The following CTNNA3 variants were observed in gnomAD, a reference collection of about 807,000 sequenced individuals.
The protein encoded by CTNNA3 is catenin alpha 3, also known as catenin alpha-3.
CTNNA3 carries 76 observed loss-of-function variants against 95.7 expected under a neutral mutation model. The ratio of observed to expected loss-of-function variants is 0.79; its 90% confidence interval spans 0.66 to 0.96. The LOEUF (loss-of-function observed/expected upper bound fraction) is 0.96, where lower values mean the gene tolerates loss of function less well. Among genes scored for constraint, CTNNA3 ranks in the 40% least tolerant of loss-of-function variants. The probability of loss-of-function intolerance (pLI) is 0.00; values close to 1 mark genes in which losing one functional copy is unlikely to be tolerated. For missense variants in CTNNA3, 1,191 were observed against 1,089.8 expected (o/e 1.09, Z -1.31); for synonymous variants, 431 against 374.4 (o/e 1.15, Z -1.74).
intron 7 of CTNNA3, among the ~76,000 whole-genome samples, chr10:66,929,717 A>G (rs1426791443): frequency 6.6e-6 from 1 of 152,212 alleles, no homozygotes; most frequent in East Asian, 1.9e-4. Flanking sequence ...ATCCATCAGT[A>G]CAGTTCTGTA....
At chr10:66,239,145 ATAATCAAT>A (rs983917977) in intron 13 of CTNNA3, among the ~76,000 whole-genome samples, 74 of 152,038 alleles carry the variant, frequency 4.9e-4, no homozygotes, top group Admixed American at 1.1e-3. Context: ...GTAGTTTTCA[ATAATCAAT>A]TAATCAATTA....
chr10:67,730,495 C>T (rs937559607), intron 1 of CTNNA3, among the ~76,000 whole-genome samples: 2 of 152,098 alleles, frequency 1.3e-5, no homozygotes, highest in Middle Eastern at 3.2e-3. Context: ...GGGGTACACG[C>T]TTCTCTAAAC....
At chr10:66,338,149 C>T (rs975818666) in intron 12 of CTNNA3, among the ~76,000 whole-genome samples, 2 of 152,032 alleles carry the variant, frequency 1.3e-5, no homozygotes, top group South Asian at 2.1e-4. Flanking sequence ...ATATATGCTA[C>T]ACCAAGGATG....
intron 12 of CTNNA3, among the ~76,000 whole-genome samples, chr10:66,347,535 G>C (rs1344315044): frequency 1.3e-5 from 2 of 151,864 alleles, no homozygotes; most frequent in African/African-American, 4.8e-5. Flanking sequence ...GATTGCTTGA[G>C]CCCAGAAGGT....
intron 11 of CTNNA3, among the ~76,000 whole-genome samples, chr10:66,382,607 C>T (rs2092850591): frequency 6.6e-6 from 1 of 152,182 alleles, no homozygotes; most frequent in South Asian, 2.1e-4. Context: ...TGGTTGAGCT[C>T]TGAGAATGGA....
At chr10:67,137,963 T>G (rs1860375428) in intron 7 of CTNNA3, among the ~76,000 whole-genome samples, 1 of 151,812 alleles carries the variant, frequency 6.6e-6, no homozygotes, top group African/African-American at 2.4e-5. Context: ...TACAAGGTCC[T>G]AAGGTTCAAG....
At chr10:66,503,986 T>C (rs183097222) in intron 11 of CTNNA3, among the ~76,000 whole-genome samples, 246 of 152,314 alleles carry the variant, frequency 1.6e-3, no homozygotes, top group Non-Finnish European at 2.1e-3. Context: ...GAAATATGTA[T>C]ATATTATAGA....
chr10:66,443,383 G>A (rs1034455614), intron 11 of CTNNA3, among the ~76,000 whole-genome samples: 1 of 152,186 alleles, frequency 6.6e-6, no homozygotes, highest in Non-Finnish European at 1.5e-5. Context: ...TGACCCCCGA[G>A]CAGCCTAACT....
intron 5 of CTNNA3, among the ~76,000 whole-genome samples, chr10:67,267,289 C>T (rs898415196): frequency 1.3e-5 from 2 of 152,070 alleles, no homozygotes; most frequent in African/African-American, 2.4e-5. Context: ...AATAAAAACA[C>T]GAAATTACTG....
At chr10:66,141,582 A>T (rs1179958088) in intron 13 of CTNNA3, among the ~76,000 whole-genome samples, 1 of 152,172 alleles carries the variant, frequency 6.6e-6, no homozygotes, top group African/African-American at 2.4e-5. Context: ...ATGTATCTTA[A>T]CTTGCCTCAA....
rs2085549015 is a variant in CTNNA3 at position 66,173,625 on chromosome 10, G to A, written c.1885-70376C>T. ...TTGAGCCTGGGAGGTAGAGGGTGCA[G>A]TGAGCCATCATCATGTCACTGTACT... On this transcript the variant is annotated intron_variant, in intron 13 of 17. Coordinates refer to ENST00000433211, the MANE Select transcript of CTNNA3 (RefSeq NM_013266.4). 2.6e-5 allele frequency among the ~76,000 whole-genome samples: 4 copies of A among 152,076 alleles called. No individual in the cohort carries two copies. The South Asian group carries it at 8.3e-4, about 32-fold the overall frequency.
intron 7 of CTNNA3, among the ~76,000 whole-genome samples, chr10:66,983,252 G>GC (rs1850547202): frequency 6.6e-6 from 1 of 151,998 alleles, no homozygotes; most frequent in Admixed American, 6.6e-5. Flanking sequence ...TTCCATCCTA[G>GC]CCCCCTCCCA....
intron 12 of CTNNA3, among the ~76,000 whole-genome samples, chr10:66,318,932 A>G (rs1036693890): frequency 1.3e-5 from 2 of 151,452 alleles, no homozygotes; most frequent in Non-Finnish European, 2.9e-5. Flanking sequence ...TTTTTGGTTC[A>G]GTACCCTTTC....
chr10:66,718,650 C>A (rs1409056336), intron 9 of CTNNA3, among the ~76,000 whole-genome samples: 1 of 148,966 alleles, frequency 6.7e-6, no homozygotes, highest in East Asian at 1.9e-4. Flanking sequence ...ATGTAAATAT[C>A]ATTAATAATA....
chr10:66,123,691 A>G (rs1224659086), intron 13 of CTNNA3, among the ~76,000 whole-genome samples: 1 of 152,134 alleles, frequency 6.6e-6, no homozygotes, highest in Non-Finnish European at 1.5e-5. Flanking sequence ...ATCCTCTGAA[A>G]TCTAGGTGGA....
intron 9 of CTNNA3, among the ~76,000 whole-genome samples, chr10:66,687,041 C>G (rs1008807072): frequency 1.3e-5 from 2 of 151,840 alleles, no homozygotes; most frequent in African/African-American, 4.8e-5. Context: ...AAATGACATA[C>G]TTTATACTTA....
rs181291032 is a variant in CTNNA3, at chr10:66,300,538, A to G, written c.1733-19917T>C. ...GATTGAAGTTAATATCACTAGTTAT[A>G]TAAGTCATGTTGATATGGATTCCTG... On this transcript the variant is annotated intron_variant, in intron 12 of 17. Transcript: ENST00000433211. Among the ~76,000 whole-genome samples, 5 of 152,026 alleles carry G rather than the reference A, an allele frequency of 3.3e-5. No homozygotes were observed. The South Asian group carries it at 6.2e-4, about 19-fold the overall frequency.
intron 10 of CTNNA3, among the ~76,000 whole-genome samples, chr10:66,547,578 G>A (rs535262556): frequency 7.7e-4 from 117 of 151,634 alleles, no homozygotes; most frequent in Middle Eastern, 3.4e-3. Context: ...TCCTGACCTC[G>A]TAATCCACCC....
chr10:67,160,611 A>G (rs2132087537), intron 7 of CTNNA3, among the ~76,000 whole-genome samples: 1 of 151,760 alleles, frequency 6.6e-6, no homozygotes, highest in East Asian at 2.0e-4. Context: ...TAATTTTTAT[A>G]TTTTTTGTAG....
Sources: gnomAD v4.1 joint callset for allele counts (sites outside exome capture counted in the v4.1 genomes callset) on GRCh38, gnomAD v4.1.1 for gene constraint, MANE v1.5 for transcripts, NCBI Gene and HGNC (gene_info 2026-07-23, HGNC 2026-07-21) for gene names.